Variants in YLPM1 observed in about 807,000 individuals in gnomAD.
YLPM1 encodes the protein YLP motif-containing protein 1.
YLPM1 carries 99 observed loss-of-function variants against 230.0 expected under a neutral mutation model. The observed-to-expected ratio is 0.43, with a 90% confidence interval of 0.37 to 0.51. The LOEUF is 0.51. Ranked by LOEUF, YLPM1 falls within the 20% of genes least tolerant of loss-of-function variation. YLPM1 has a pLI of 0.00. For synonymous variants in YLPM1, 984 were observed against 942.5 expected, an observed-to-expected ratio of 1.04 and a Z score of -0.81; for missense variants, 2,592 against 2,707.7, an observed-to-expected ratio of 0.96 and a Z score of 0.95.
At chr14:74,792,204 C>A (rs1389631945) in intron 4 of YLPM1, among the ~76,000 whole-genome samples, 2 of 149,070 alleles carry the variant, frequency 1.3e-5, no homozygotes, top group Non-Finnish European at 2.9e-5. Flanking sequence ...TTCTGGTCAC[C>A]TTCTTTCGCC....
At chr14:74,812,063 GA>G (rs1208276324) in intron 10 of YLPM1, among the ~76,000 whole-genome samples, 18 of 152,076 alleles carry the variant, frequency 1.2e-4, no homozygotes, top group Non-Finnish European at 2.1e-4. Flanking sequence ...TCTTTATCGT[GA>G]TTGTTCTGAT....
intron 18 of YLPM1, among the ~76,000 whole-genome samples, chr14:74,828,780 G>A (rs756740629): frequency 1.3e-5 from 2 of 152,066 alleles, no homozygotes; most frequent in Non-Finnish European, 2.9e-5. Flanking sequence ...GGTACAACCT[G>A]CTTTTCATAT....
At position 74,764,222 on chromosome 14, in the gene YLPM1, C is replaced by T. The variant is rs772491730; in HGVS notation, c.733C>T (p.Leu245=). The change falls in exon 1 of 21, where the codon CTA becomes TTA. Residue 245 remains leucine, a synonymous_variant. Transcript: ENST00000325680. ...CCAGGGCCATTCTAAATCCCAACTA[C>T]TAGCTCCACCACCACCGTCCGCCCC... ...PSQGHSKSQL[L]APPPPSAPPG... 1 of 1,612,672 alleles carries T rather than the reference C, an allele frequency of 6.2e-7. No individual in the cohort carries two copies. The highest frequency in any genetic ancestry group is 8.5e-7 in the Non-Finnish European group (1 of 1,179,512).
At chr14:74,816,749 G>T in intron 13 of YLPM1, 59 bp downstream of exon 13, 1 of 1,534,794 alleles carries the variant, frequency 6.5e-7, no homozygotes, top group Non-Finnish European at 8.8e-7. Context: ...AGGAAAATGT[G>T]TTTGGAGAGA....
At chr14:74,830,486 C>T (rs2091600371) in intron 19 of YLPM1, among the ~76,000 whole-genome samples, 1 of 152,124 alleles carries the variant, frequency 6.6e-6, no homozygotes, top group African/African-American at 2.4e-5. Flanking sequence ...ACAGAACTAC[C>T]ATTCTTTTTA....
intron 4 of YLPM1, among the ~76,000 whole-genome samples, chr14:74,790,888 A>G (rs553029571): frequency 1.7e-4 from 26 of 152,336 alleles, no homozygotes; most frequent in South Asian, 1.2e-3. Context: ...CTCTAGTTTT[A>G]TAAATGAAAA....
Position 74,813,430 on chromosome 14 carries a change from TC to T in YLPM1, c.5502+650del, listed in dbSNP as rs199755023. On this transcript the variant is annotated intron_variant, in intron 11 of 20. Coordinates refer to ENST00000325680, the MANE Select transcript of YLPM1 (RefSeq NM_019589.3). The stretch of plus-strand genomic sequence containing the variant: ...GCCTATGGTTGGATCTTTTTTTTTT[TC>T]CATTCAGGTTCCCTTTATTTCTGAC... Among the ~76,000 whole-genome samples the T allele has an allele frequency of 1.6e-3, 237 of 152,198 alleles. 1 individual carries two copies. Among genetic ancestry groups the T allele is most frequent in the African/African-American group, 5.3e-3 (222 of 41,522 alleles).
chr14:74,804,009 T>G (rs1028136574), intron 6 of YLPM1, among the ~76,000 whole-genome samples: 1 of 152,016 alleles, frequency 6.6e-6, no homozygotes, highest in Non-Finnish European at 1.5e-5. Context: ...AGTACAAAAT[T>G]AGCCGGGCGT....
intron 2 of YLPM1, 28 bp from the exon 3 acceptor site, chr14:74,780,377 A>G (rs539306004): frequency 4.4e-6 from 7 of 1,582,068 alleles, no homozygotes; most frequent in East Asian, 2.3e-5. Context: ...TATGACTTAC[A>G]TAAAGATGTG....
At chr14:74,801,690 T>TCATCTAA (rs2091327080) in intron 5 of YLPM1, among the ~76,000 whole-genome samples, 1 of 152,184 alleles carries the variant, frequency 6.6e-6, no homozygotes, top group Non-Finnish European at 1.5e-5. Context: ...ACAGGTTGTT[T>TCATCTAA]CATCTAACAT....
In YLPM1 at chr14:74,781,492, A is replaced by G. The variant is rs770925855; in HGVS notation, c.1449A>G (p.Lys483=). 8.1e-6 allele frequency: 13 copies of G among 1,613,766 alleles called. No individual in the cohort carries two copies. The highest frequency in any genetic ancestry group is 1.7e-5 in the Admixed American group (1 of 59,980). The change falls in exon 4 of 21, where the codon AAA becomes AAG. Residue 483 remains lysine (K), a synonymous_variant. Transcript: ENST00000325680. ...TTCAGGAGTATGAGAAGCAGTGGAA[A>G]ACATGGCAGGGACATATGAAAGCCA... ...DQLQEYEKQW[K]TWQGHMKATQ...
At position 74,835,458 on chromosome 14, in the gene YLPM1, A is replaced by G. The variant is rs2091636496; in HGVS notation, c.*36+11A>G. On this transcript the variant is annotated intron_variant, in intron 20 of 20. Coordinates refer to ENST00000325680, the MANE Select transcript of YLPM1 (RefSeq NM_019589.3). ...CATTATTCCTCTAAGGTAAGAGTAC[A>G]CAGTCATATAAATAGCCTACTGTGT... The G allele has an allele frequency of 1.9e-6, 3 of 1,600,420 alleles. No homozygotes were observed. The highest frequency in any genetic ancestry group is 1.3e-5 in the African/African-American group (1 of 74,442).
At chr14:74,804,563 A>G (rs537864299) in intron 6 of YLPM1, among the ~76,000 whole-genome samples, 23 of 152,018 alleles carry the variant, frequency 1.5e-4, no homozygotes, top group Non-Finnish European at 3.1e-4. Flanking sequence ...TTGCCTTCCC[A>G]TCCCCTCCTG....
In YLPM1 at chr14:74,799,329, T is replaced by C. The variant is rs1207663008; in HGVS notation, c.4032T>C (p.Asp1344=). The change falls in exon 5 of 21, where the codon GAT becomes GAC. Residue 1344 remains aspartate, a synonymous_variant. Coordinates refer to ENST00000325680, the MANE Select transcript of YLPM1 (RefSeq NM_019589.3). ...LPPLPPLPPL[D]RYRDDRWREE... is the part of the protein sequence containing the mutation. The stretch of plus-strand genomic sequence containing the variant: ...CCCTCCCACCTCTTCCACCTTTGGA[T>C]AGATATCGGGATGATAGATGGAGAG... 5.6e-6 allele frequency: 9 copies of C among 1,613,934 alleles called. 1 individual carries two copies. The highest frequency in any genetic ancestry group is 2.2e-5 in the South Asian group (2 of 91,074).
intron 1 of YLPM1, among the ~76,000 whole-genome samples, chr14:74,772,814 G>GTTCAGGCAT (rs2090992198): frequency 6.6e-6 from 1 of 152,150 alleles, no homozygotes; most frequent in African/African-American, 2.4e-5. Flanking sequence ...TCATTAGCAA[G>GTTCAGGCAT]TTCAGGCATT....
chr14:74,777,465 G>A (rs2091052995), intron 1 of YLPM1, among the ~76,000 whole-genome samples: 1 of 151,842 alleles, frequency 6.6e-6, no homozygotes, highest in African/African-American at 2.4e-5. Context: ...TACTCGGGAA[G>A]CTGAGGCAGG....
At chr14:74,810,659 A>G (rs1161337421) in intron 9 of YLPM1, among the ~76,000 whole-genome samples, 1 of 152,140 alleles carries the variant, frequency 6.6e-6, no homozygotes, top group African/African-American at 2.4e-5. Flanking sequence ...GGTATTGTCA[A>G]TAAAGGTGCA....
In YLPM1 at chr14:74,816,619, G is replaced by T; in HGVS notation, c.5614G>T (p.Asp1872Tyr). 2 of 1,613,696 alleles carry T rather than the reference G, an allele frequency of 1.2e-6. No homozygotes were observed. Among genetic ancestry groups the T allele is most frequent in the Non-Finnish European group, 8.5e-7 (1 of 1,179,752 alleles). ...GGPAPRVLSL[D>Y]DYFITEVEKE... Reference sequence around the variant, plus strand: ...ACCTGCACCCAGAGTTCTAAGCCTGGATGATTACTTCATCACTGAAGTGGA... The same window carrying T: ...ACCTGCACCCAGAGTTCTAAGCCTGTATGATTACTTCATCACTGAAGTGGA... Residue 1872 changes from aspartate to tyrosine, a missense_variant, in exon 13 of 21, where the codon GAT (aspartate) becomes TAT (tyrosine). Coordinates refer to ENST00000325680, the MANE Select transcript of YLPM1 (RefSeq NM_019589.3).
At position 74,810,264 on chromosome 14, in the gene YLPM1, A is replaced by T; in HGVS notation, c.5072A>T (p.Asp1691Val). The T allele has an allele frequency of 6.2e-7, 1 of 1,613,854 alleles. No individual in the cohort carries two copies. The highest frequency in any genetic ancestry group is 8.5e-7 in the Non-Finnish European group (1 of 1,179,860). The stretch of plus-strand genomic sequence containing the variant: ...CGTGATCGTTATGATAGAGAAAGAG[A>T]TCGTGAGCCTTATTTTGATCGTCAA... ...GQRDRYDRER[D>V]REPYFDRQSN... Residue 1691 changes from aspartate (D) to valine (V), a missense_variant, in exon 9 of 21, where the codon GAT (aspartate) becomes GTT (valine). Asp to Val is a radical substitution (Grantham distance 152). This residue lies in a region of YLPM1 where 403 missense variants were observed against 426.7 expected (regional missense o/e 0.94). Transcript: ENST00000325680.
Sources: gnomAD v4.1 joint callset for allele counts (sites outside exome capture counted in the v4.1 genomes callset) on GRCh38, gnomAD v4.1.1 for gene constraint, gnomAD v4.1.1 regional missense constraint, MANE v1.5 for transcripts, NCBI Gene and HGNC (gene_info 2026-07-23, HGNC 2026-07-21) for gene names.